NELL1: variants seen among roughly 807,000 people sequenced by gnomAD.
NELL1 encodes neural EGFL like 1.
Under a neutral mutation model 107.4 loss-of-function variants are expected in NELL1, and 76 were observed. The ratio of observed to expected loss-of-function variants is 0.71; its 90% CI spans 0.59 to 0.86. The LOEUF (loss-of-function observed/expected upper bound fraction) is 0.86. NELL1 is among the 40% of genes least tolerant of loss of function. NELL1 has a pLI of 0.00. For synonymous variants in NELL1, 353 were observed against 341.2 expected (o/e 1.03, Z -0.38); for missense variants, 1,024 against 1,005.5 (o/e 1.02, Z -0.25).
At chr11:20,929,432 C>A (rs1850569864) in intron 9 of NELL1, among the ~76,000 whole-genome samples, 1 of 148,316 alleles carries the variant, frequency 6.7e-6, no homozygotes. Context: ...ACTTTGTAAT[C>A]TTCCTTTTTT....
chr11:21,464,907 TTCACAG>T (rs549242262), intron 15 of NELL1, among the ~76,000 whole-genome samples: 6 of 152,150 alleles, frequency 3.9e-5, no homozygotes, highest in Non-Finnish European at 5.9e-5. Flanking sequence ...TTCACTGGCC[TTCACAG>T]TCATTTTCTG....
At chr11:20,743,879 T>C (rs1056894943) in intron 2 of NELL1, among the ~76,000 whole-genome samples, 3 of 152,158 alleles carry the variant, frequency 2.0e-5, no homozygotes, top group African/African-American at 7.2e-5. Flanking sequence ...GCCAAAACTA[T>C]CCACTCTCCT....
At chr11:20,802,909 G>C (rs1288205353) in intron 3 of NELL1, among the ~76,000 whole-genome samples, 1 of 152,148 alleles carries the variant, frequency 6.6e-6, no homozygotes, top group East Asian at 1.9e-4. Flanking sequence ...GCATACTTGG[G>C]ATAAATTTCA....
intron 14 of NELL1, among the ~76,000 whole-genome samples, chr11:21,317,776 C>T (rs1055009038): frequency 6.6e-6 from 1 of 152,076 alleles, no homozygotes; most frequent in Non-Finnish European, 1.5e-5. Context: ...GTGACTGTAA[C>T]AATGAGTTCT....
At chr11:21,563,620 T>A (rs1201373248) in intron 17 of NELL1, among the ~76,000 whole-genome samples, 1 of 152,056 alleles carries the variant, frequency 6.6e-6, no homozygotes, top group African/African-American at 2.4e-5. Flanking sequence ...ATTTAAAGTA[T>A]ATGGGAGGAT....
chr11:20,887,124 G>C (rs11025800), intron 5 of NELL1, among the ~76,000 whole-genome samples: 7 of 152,086 alleles, frequency 4.6e-5, no homozygotes, highest in Admixed American at 2.0e-4. Flanking sequence ...ATTTACATAA[G>C]TTTCTATGTT....
At chr11:21,047,742 G>C (rs779471187) in intron 12 of NELL1, among the ~76,000 whole-genome samples, 2 of 152,044 alleles carry the variant, frequency 1.3e-5, no homozygotes, top group Non-Finnish European at 2.9e-5. Flanking sequence ...GACTTCAGAG[G>C]GCTAGTTTAG....
intron 2 of NELL1, among the ~76,000 whole-genome samples, chr11:20,755,558 T>TATTTTTTTTATTTATTTA (rs1564895070): frequency 1.2e-4 from 2 of 16,432 alleles, no homozygotes; most frequent in African/African-American, 2.1e-4. Context: ...TTGTTTTTGT[T>TATTTTTTTTATTTATTTA]TTTGTTTTTT....
rs975156604 is a variant in NELL1, at chr11:20,919,310, G to C, written c.735G>C (p.Glu245Asp). ...TGCAAGGAATAATGGATTTACAAGA[G>C]CTTTTGGCCAAGATGACTGCAAAAG... ...SLVQGIMDLQ[E>D]LLAKMTAKLN... Residue 245 changes from glutamate (E) to aspartate (D), a missense_variant, in exon 7 of 20, where the codon GAG becomes GAC. Glu to Asp is a conservative substitution (Grantham distance 45). Transcript: ENST00000357134. 1 of 1,605,372 alleles carries C rather than the reference G, an allele frequency of 6.2e-7. No individual in the cohort carries two copies. Among genetic ancestry groups the C allele is most frequent in the Admixed American group, 1.7e-5 (1 of 59,484 alleles).
At chr11:21,445,211 A>G (rs1034274550) in intron 15 of NELL1, among the ~76,000 whole-genome samples, 1 of 152,200 alleles carries the variant, frequency 6.6e-6, no homozygotes, top group African/African-American at 2.4e-5. Flanking sequence ...TTTACACACC[A>G]CAATAGCAGT....
rs992835792 is a variant in NELL1 at position 20,672,981 on chromosome 11, C to G, written c.55+3203C>G. On this transcript the variant is annotated intron_variant, in intron 1 of 19. Coordinates refer to ENST00000357134, the MANE Select transcript of NELL1 (RefSeq NM_006157.5). ...ATTCTCCTGCCTCAGCCCCCCCCCC[C>G]CCCCCCGAGTAGCTGGGATTACAGG... 1.9e-4 allele frequency among the ~76,000 whole-genome samples: 20 copies of G among 106,292 alleles called. No homozygotes were observed. The South Asian group carries it at 3.4e-3, about 18-fold the overall frequency. The allele number at this position is 106,292 out of a possible 152,430, so 69.7% of individuals were successfully genotyped here.
intron 13 of NELL1, among the ~76,000 whole-genome samples, chr11:21,140,016 A>G (rs1281558901): frequency 6.6e-6 from 1 of 152,202 alleles, no homozygotes; most frequent in Non-Finnish European, 1.5e-5. Context: ...GGGGAAACAG[A>G]TAATGATCTC....
At chr11:21,475,411 T>C (rs1854303515) in intron 15 of NELL1, among the ~76,000 whole-genome samples, 1 of 152,190 alleles carries the variant, frequency 6.6e-6, no homozygotes, top group Non-Finnish European at 1.5e-5. Context: ...TATAGGAGGA[T>C]TAAACAGCCA....
At chr11:21,340,499 G>A (rs1180206535) in intron 14 of NELL1, among the ~76,000 whole-genome samples, 2 of 152,072 alleles carry the variant, frequency 1.3e-5, no homozygotes, top group East Asian at 1.9e-4. Context: ...TGTTGAACTC[G>A]TAACCCAATG....
chr11:21,484,795 T>C (rs920660387), intron 15 of NELL1, among the ~76,000 whole-genome samples: 7 of 152,168 alleles, frequency 4.6e-5, no homozygotes, highest in Non-Finnish European at 1.0e-4. Context: ...CTGATTTGTT[T>C]TGATGGTATT....
intron 15 of NELL1, among the ~76,000 whole-genome samples, chr11:21,480,919 C>G (rs1854477098): frequency 6.6e-6 from 1 of 152,170 alleles, no homozygotes; most frequent in African/African-American, 2.4e-5. Flanking sequence ...TTATCTCTTT[C>G]TCACAACTTC....
At chr11:20,897,101 C>T (rs1295210254) in intron 5 of NELL1, among the ~76,000 whole-genome samples, 1 of 152,144 alleles carries the variant, frequency 6.6e-6, no homozygotes, top group East Asian at 1.9e-4. Flanking sequence ...GCCCGCATTG[C>T]CAAGTCAATC....
intron 5 of NELL1, among the ~76,000 whole-genome samples, chr11:20,912,445 A>C (rs1850153021): frequency 6.6e-6 from 1 of 152,172 alleles, no homozygotes. Context: ...CCTTTGATGC[A>C]TTCTGAGCTG....
At chr11:21,115,224 A>G (rs1381450863) in intron 13 of NELL1, among the ~76,000 whole-genome samples, 3 of 151,988 alleles carry the variant, frequency 2.0e-5, no homozygotes, top group East Asian at 1.9e-4. Context: ...AAAGGGAACT[A>G]TGTGGTTTGG....
Sources: allele counts gnomAD v4.1 joint callset (sites outside exome capture counted in the v4.1 genomes callset), GRCh38; gene constraint gnomAD v4.1.1; transcripts MANE v1.5; gene names NCBI Gene and HGNC (gene_info 2026-07-23, HGNC 2026-07-21).